The following FBXL17 variants were observed in gnomAD, a reference collection of about 807,000 sequenced individuals.
FBXL17 encodes the protein F-box and leucine rich repeat protein 17.
Under a neutral mutation model 66.2 loss-of-function variants are expected in FBXL17, and 22 were observed. The observed-to-expected ratio is 0.33, with a 90% confidence interval of 0.24 to 0.47. The LOEUF (loss-of-function observed/expected upper bound fraction) is 0.47, where lower values mean the gene tolerates loss of function less well. Among genes scored for constraint, FBXL17 ranks in the 20% least tolerant of loss-of-function variants. The pLI is 1.00. For missense variants in FBXL17, 878 were observed against 948.2 expected, an observed-to-expected ratio of 0.93 and a Z score of 0.97; for synonymous variants, 474 against 400.5, an observed-to-expected ratio of 1.18 and a Z score of -2.19.
At chr5:107,917,234 A>G (rs879141929) in intron 7 of FBXL17, among the ~76,000 whole-genome samples, 1 of 152,180 alleles carries the variant, frequency 6.6e-6, no homozygotes, top group Admixed American at 6.5e-5. Flanking sequence ...TTATTTTTCT[A>G]TTCTAATTTC....
At chr5:107,882,900 G>A (rs1244465435) in intron 7 of FBXL17, among the ~76,000 whole-genome samples, 4 of 152,138 alleles carry the variant, frequency 2.6e-5, no homozygotes, top group African/African-American at 9.7e-5. Flanking sequence ...GCTAGAACAC[G>A]AAAGCCCAGT....
intron 6 of FBXL17, among the ~76,000 whole-genome samples, chr5:108,168,211 C>A (rs1272106437): frequency 6.6e-6 from 1 of 152,116 alleles, no homozygotes; most frequent in Non-Finnish European, 1.5e-5. Context: ...ACTTTGCAGT[C>A]TTTGAAAGTA....
chr5:108,074,599 C>T (rs1465894680), intron 6 of FBXL17, among the ~76,000 whole-genome samples: 2 of 152,180 alleles, frequency 1.3e-5, no homozygotes, highest in Non-Finnish European at 2.9e-5. Flanking sequence ...CAGAGGACGT[C>T]TAATGACTCA....
At chr5:108,181,718 T>C (rs1304481437) in intron 6 of FBXL17, among the ~76,000 whole-genome samples, 1 of 152,148 alleles carries the variant, frequency 6.6e-6, no homozygotes, top group African/African-American at 2.4e-5. Context: ...TTGTAATAGG[T>C]ATTGTATATA....
intron 4 of FBXL17, among the ~76,000 whole-genome samples, chr5:108,233,300 G>A (rs1406788447): frequency 1.3e-5 from 2 of 152,008 alleles, no homozygotes; most frequent in African/African-American, 4.8e-5. Context: ...AAAGGTAAAG[G>A]TTCATCTTTT....
chr5:108,378,008 C>T (rs1482094238), intron 1 of FBXL17, among the ~76,000 whole-genome samples: 1 of 152,072 alleles, frequency 6.6e-6, no homozygotes, highest in Admixed American at 6.5e-5. Context: ...TTTGTTTATC[C>T]AAGTGAAGAA....
Position 107,942,081 on chromosome 5 carries a change from T to C in FBXL17, c.1823-60902A>G, listed in dbSNP as rs143594769. Among the ~76,000 whole-genome samples the C allele has an allele frequency of 9.7e-4, 147 of 152,244 alleles. No individual in the cohort carries two copies. In the East Asian group the frequency reaches 0.028, roughly 29 times the overall value. On this transcript the variant is annotated intron_variant, in intron 7 of 8. Transcript: ENST00000542267. The stretch of plus-strand genomic sequence containing the variant: ...GAGGCCAGGGGCACAGATGTTCCCA[T>C]GTAGAGCTTCTACCTCTCAGCACAG...
intron 5 of FBXL17, among the ~76,000 whole-genome samples, chr5:108,214,296 G>C (rs1474619862): frequency 1.3e-5 from 2 of 151,662 alleles, no homozygotes; most frequent in Non-Finnish European, 2.9e-5. Context: ...GGGAATTACT[G>C]TATATGTCAA....
chr5:108,097,578 A>C (rs1749425033), intron 6 of FBXL17, among the ~76,000 whole-genome samples: 1 of 151,840 alleles, frequency 6.6e-6, no homozygotes. Context: ...ATCACGAGGT[A>C]AGGAGTTCGA....
chr5:107,912,341 G>A (rs1224799941), intron 7 of FBXL17, among the ~76,000 whole-genome samples: 3 of 152,074 alleles, frequency 2.0e-5, no homozygotes, highest in Non-Finnish European at 4.4e-5. Flanking sequence ...TTTAACCAGC[G>A]AAGTATATTG....
chr5:108,092,879 G>A (rs1004591933), intron 6 of FBXL17, among the ~76,000 whole-genome samples: 3 of 152,108 alleles, frequency 2.0e-5, no homozygotes, highest in Non-Finnish European at 2.9e-5. Flanking sequence ...AGGAAAGAAA[G>A]GACAATGAAT....
chr5:108,257,378 T>C (rs1457499909), intron 4 of FBXL17, among the ~76,000 whole-genome samples: 1 of 152,268 alleles, frequency 6.6e-6, no homozygotes, highest in Non-Finnish European at 1.5e-5. Flanking sequence ...TCCATAAGCA[T>C]ACATCCACCA....
chr5:108,264,691 A>G (rs1384455535), intron 4 of FBXL17, among the ~76,000 whole-genome samples: 1 of 152,140 alleles, frequency 6.6e-6, no homozygotes, highest in Admixed American at 6.5e-5. Flanking sequence ...AGTTGTTGAA[A>G]AAGATCAGAG....
At chr5:107,931,333 C>T (rs1296820131) in intron 7 of FBXL17, among the ~76,000 whole-genome samples, 1 of 149,846 alleles carries the variant, frequency 6.7e-6, no homozygotes, top group African/African-American at 2.5e-5. Context: ...AATCTCGGCT[C>T]ACTGCAGCCT....
intron 6 of FBXL17, among the ~76,000 whole-genome samples, chr5:108,040,778 G>C (rs1352133200): frequency 6.6e-6 from 1 of 152,148 alleles, no homozygotes; most frequent in Non-Finnish European, 1.5e-5. Context: ...CTGAGGCTTT[G>C]TGGACATGAG....
intron 7 of FBXL17, among the ~76,000 whole-genome samples, chr5:107,923,389 T>C (rs527700572): frequency 4.2e-4 from 64 of 152,276 alleles, no homozygotes; most frequent in African/African-American, 1.5e-3. Context: ...AACTAGGGAA[T>C]GGCTGCGATA....
At chr5:107,960,740 T>A (rs955912813) in intron 7 of FBXL17, among the ~76,000 whole-genome samples, 4 of 152,178 alleles carry the variant, frequency 2.6e-5, no homozygotes, top group South Asian at 2.1e-4. Context: ...TAACTACAAC[T>A]ACTACTACTA....
Position 108,381,998 on chromosome 5 carries a change from C to T in FBXL17, c.-307G>A, listed in dbSNP as rs1468072579. ...GCTAGGCGACCAGTCCGGGCCCGGC[C>T]AGCCGGCTCAGTCAGTCAGCGGAGC... On this transcript the variant is annotated 5_prime_UTR_variant, in exon 1 of 9. Transcript: ENST00000542267. 9.4e-6 allele frequency: 11 copies of T among 1,164,748 alleles called. No homozygotes were observed. The highest frequency in any genetic ancestry group is 1.2e-5 in the Non-Finnish European group (11 of 942,058). The allele number at this position is 1,164,748 out of a possible 1,614,324, so 72.2% of individuals were successfully genotyped here. A position where few individuals can be genotyped will look rare whatever the true frequency, so the allele number is the denominator to read the frequency against.
At chr5:108,189,809 G>A (rs1051116087) in intron 5 of FBXL17, among the ~76,000 whole-genome samples, 1 of 152,178 alleles carries the variant, frequency 6.6e-6, no homozygotes, top group Non-Finnish European at 1.5e-5. Flanking sequence ...ACTGTGCTGT[G>A]AAAAAGACTA....
Sources: allele counts gnomAD v4.1 joint callset (sites outside exome capture counted in the v4.1 genomes callset), GRCh38; gene constraint gnomAD v4.1.1; transcripts MANE v1.5; gene names NCBI Gene and HGNC (gene_info 2026-07-23, HGNC 2026-07-21).